Variants in ARHGEF4 observed in about 807,000 individuals in gnomAD.
ARHGEF4 encodes Rho guanine nucleotide exchange factor 4.
A neutral mutation model predicts 162.0 loss-of-function variants in ARHGEF4; 119 were observed. That is an observed-to-expected ratio of 0.73 (90% confidence interval 0.63 to 0.86). The LOEUF (loss-of-function observed/expected upper bound fraction) is 0.86. ARHGEF4 is among the 40% of genes least tolerant of loss of function. The pLI is 0.00. For synonymous variants in ARHGEF4, 1,014 were observed against 979.9 expected (o/e 1.03, Z -0.65); for missense variants, 2,488 against 2,456.0 (o/e 1.01, Z -0.28).
At chr2:130,945,025 T>C (rs920361499) in intron 3 of ARHGEF4, among the ~76,000 whole-genome samples, 3 of 152,160 alleles carry the variant, frequency 2.0e-5, no homozygotes, top group Admixed American at 2.0e-4. Flanking sequence ...TTGGATAATG[T>C]GGATCACCCA....
chr2:130,850,388 G>A (rs1201349343), intron 1 of ARHGEF4, among the ~76,000 whole-genome samples: 1 of 152,230 alleles, frequency 6.6e-6, no homozygotes, highest in Non-Finnish European at 1.5e-5. Flanking sequence ...TGCCTAGGCA[G>A]CTGCTGCTGC....
At chr2:131,013,698 T>C (rs958685867) in intron 4 of ARHGEF4, among the ~76,000 whole-genome samples, 2 of 152,180 alleles carry the variant, frequency 1.3e-5, no homozygotes, top group Non-Finnish European at 1.5e-5. Context: ...CCTCCTAGAT[T>C]AAAGCAATTC....
chr2:130,967,093 G>A (rs984737468), intron 4 of ARHGEF4, among the ~76,000 whole-genome samples: 1 of 152,228 alleles, frequency 6.6e-6, no homozygotes, highest in Non-Finnish European at 1.5e-5. Context: ...TGAAAAGTGA[G>A]TGCTTGTGAC....
intron 1 of ARHGEF4, among the ~76,000 whole-genome samples, chr2:130,869,236 G>A (rs1348117087): frequency 1.3e-5 from 2 of 152,194 alleles, no homozygotes; most frequent in Non-Finnish European, 1.5e-5. Flanking sequence ...GAGGCCTGCA[G>A]AGTGGTTGGG....
In ARHGEF4 at chr2:130,915,779, CG is replaced by C. The variant is rs1176020229; in HGVS notation, c.1838del (p.Gly613AlafsTer22). On this transcript the variant is annotated frameshift_variant, in exon 2 of 14. Coordinates refer to ENST00000409359, the MANE Select transcript of ARHGEF4 (RefSeq NM_001367493.1). LOFTEE classifies it high-confidence loss of function. ...EEGEQGPGGA[G>X]GRQLEPKAGG... ...AGGGTGAACAGGGGCCTGGGGGTGCCGGGGGCCGGCAGCTGGAGCCCAAAGC... is the reference window on the plus strand; with the variant it reads ...AGGGTGAACAGGGGCCTGGGGGTGCCGGGGCCGGCAGCTGGAGCCCAAAGC... 6.6e-7 allele frequency: 1 copy of C among 1,525,882 alleles called. No homozygotes were observed. Among genetic ancestry groups the C allele is most frequent in the South Asian group, 1.2e-5 (1 of 80,178 alleles). 94.5% of individuals were successfully genotyped at this position (1,525,882 alleles called of 1,614,324 possible).
intron 3 of ARHGEF4, among the ~76,000 whole-genome samples, chr2:130,937,978 A>AT (rs907156137): frequency 6.6e-6 from 1 of 152,102 alleles, no homozygotes; most frequent in Non-Finnish European, 1.5e-5. Context: ...TTGTATCATA[A>AT]TTTTTTGTTG....
chr2:130,879,106 C>T (rs961497419), intron 1 of ARHGEF4, among the ~76,000 whole-genome samples: 1 of 152,138 alleles, frequency 6.6e-6, no homozygotes, highest in Non-Finnish European at 1.5e-5. Context: ...GGGAGGGGCC[C>T]ATGGTAATGA....
chr2:130,866,070 C>T (rs59564387), intron 1 of ARHGEF4, among the ~76,000 whole-genome samples: 5,774 of 152,100 alleles, frequency 0.038, 214 homozygotes, highest in East Asian at 0.1. Flanking sequence ...ACTTTAGGGT[C>T]GAATAAAAAC....
chr2:130,999,363 A>G (rs10194614), intron 4 of ARHGEF4, among the ~76,000 whole-genome samples: 3,645 of 151,920 alleles, frequency 0.024, 96 homozygotes, highest in South Asian at 0.071. Context: ...TTACCATGTT[A>G]GCCAGGATGG....
chr2:130,838,537 CAG>C (rs936453873), intron 1 of ARHGEF4, among the ~76,000 whole-genome samples: 1 of 151,856 alleles, frequency 6.6e-6, no homozygotes, highest in Non-Finnish European at 1.5e-5. Flanking sequence ...ACCCGGGAGA[CAG>C]AGGTTGCAGT....
intron 1 of ARHGEF4, among the ~76,000 whole-genome samples, chr2:130,900,676 C>T (rs1382567988): frequency 6.6e-6 from 1 of 152,082 alleles, no homozygotes; most frequent in East Asian, 1.9e-4. Context: ...TCTGGTTCTT[C>T]TCAGTGTTGG....
intron 1 of ARHGEF4, among the ~76,000 whole-genome samples, chr2:130,845,300 G>A (rs1322184701): frequency 6.6e-6 from 1 of 151,590 alleles, no homozygotes; most frequent in African/African-American, 2.4e-5. Context: ...GAGCCCAGGA[G>A]TTCCAGACCA....
chr2:131,020,637 T>C (rs1300158226), intron 4 of ARHGEF4, among the ~76,000 whole-genome samples: 1 of 152,222 alleles, frequency 6.6e-6, no homozygotes, highest in East Asian at 1.9e-4. Context: ...TTGTGAATAG[T>C]GCTGCAATAA....
chr2:130,951,917 T>C (rs1488219709), intron 4 of ARHGEF4, among the ~76,000 whole-genome samples: 1 of 152,178 alleles, frequency 6.6e-6, no homozygotes, highest in East Asian at 1.9e-4. Flanking sequence ...TACTCTACCA[T>C]GTGTCACCAT....
At chr2:130,946,286 A>G (rs1424507287) in intron 3 of ARHGEF4, among the ~76,000 whole-genome samples, 4 of 152,226 alleles carry the variant, frequency 2.6e-5, no homozygotes, top group Non-Finnish European at 5.9e-5. Flanking sequence ...CCATGGAATG[A>G]CAGCCTATCC....
chr2:130,950,842 A>G (rs1290147659), intron 4 of ARHGEF4, among the ~76,000 whole-genome samples: 3 of 152,164 alleles, frequency 2.0e-5, no homozygotes, highest in Non-Finnish European at 2.9e-5. Flanking sequence ...CACATGTCAC[A>G]TGTACTTCAG....
At chr2:130,899,011 C>T (rs6430408) in intron 1 of ARHGEF4, among the ~76,000 whole-genome samples, 123 of 152,098 alleles carry the variant, frequency 8.1e-4, no homozygotes, top group Non-Finnish European at 1.4e-3. Flanking sequence ...ATCAGTTGTG[C>T]ATGTAGCCCC....
intron 4 of ARHGEF4, among the ~76,000 whole-genome samples, chr2:131,006,049 G>A (rs1255336521): frequency 1.3e-5 from 2 of 152,130 alleles, no homozygotes; most frequent in African/African-American, 4.8e-5. Context: ...GAAAGAGAAG[G>A]AACTCAACCC....
At chr2:130,854,399 G>A (rs952618219) in intron 1 of ARHGEF4, among the ~76,000 whole-genome samples, 1 of 152,082 alleles carries the variant, frequency 6.6e-6, no homozygotes, top group African/African-American at 2.4e-5. Context: ...CACACCCTGG[G>A]GAAGCTCTAC....
Sources: allele counts gnomAD v4.1 joint callset (sites outside exome capture counted in the v4.1 genomes callset), GRCh38; gene constraint gnomAD v4.1.1; transcripts MANE v1.5; gene names NCBI Gene and HGNC (gene_info 2026-07-23, HGNC 2026-07-21).